Variants in ALDH1L2 observed in about 807,000 individuals in gnomAD.
ALDH1L2 encodes the protein aldehyde dehydrogenase 1 family member L2.
ALDH1L2 carries 91 observed loss-of-function variants against 111.0 expected under a neutral mutation model. That is an observed-to-expected ratio of 0.82 (90% confidence interval 0.69 to 0.98). The LOEUF is 0.98. Ranked by LOEUF, ALDH1L2 falls within the 50% of genes least tolerant of loss-of-function variation. The pLI is 0.00. For missense variants in ALDH1L2, 995 were observed against 1,126.8 expected (o/e 0.88, Z 1.67); for synonymous variants, 374 against 392.6 (o/e 0.95, Z 0.56).
intron 1 of ALDH1L2, among the ~76,000 whole-genome samples, chr12:105,079,764 T>C (rs1438204982): frequency 6.6e-6 from 1 of 152,126 alleles, no homozygotes; most frequent in Non-Finnish European, 1.5e-5. Context: ...AAGACTACAG[T>C]CCCTTTTGAC....
At chr12:105,043,146 C>T (rs1165358833) in intron 15 of ALDH1L2, among the ~76,000 whole-genome samples, 2 of 151,940 alleles carry the variant, frequency 1.3e-5, no homozygotes, top group Non-Finnish European at 2.9e-5. Flanking sequence ...CAGGCAGTGT[C>T]CCAGGAAAGA....
intron 10 of ALDH1L2, among the ~76,000 whole-genome samples, chr12:105,053,840 T>C: frequency 7.8e-6 from 1 of 128,056 alleles, no homozygotes; most frequent in Admixed American, 8.1e-5. Flanking sequence ...GAGGTAGATA[T>C]CATTATTATA....
At chr12:105,030,893 AGTTG>A (rs1874662086) in intron 20 of ALDH1L2, among the ~76,000 whole-genome samples, 1 of 152,140 alleles carries the variant, frequency 6.6e-6, no homozygotes, top group Non-Finnish European at 1.5e-5. Context: ...GCTTTTTCAC[AGTTG>A]GTTTGTTTGA....
In ALDH1L2 at chr12:105,066,735, A is replaced by C. The variant is rs1415893211; in HGVS notation, c.595-66T>G. On this transcript the variant is annotated intron_variant, in intron 4 of 22. Transcript: ENST00000258494. ...AACAATGGCATGGTCTATTTGACTA[A>C]AGTTTCTGCATAACAGAATTACTAC... is the stretch of plus-strand genomic sequence containing the variant. The C allele has an allele frequency of 3.7e-6, 5 of 1,346,814 alleles. No homozygotes were observed. The African/African-American group carries it at 4.3e-5, about 12-fold the overall frequency. The allele number at this position is 1,346,814 out of a possible 1,614,324, so 83.4% of individuals were successfully genotyped here. A position where few individuals can be genotyped will look rare whatever the true frequency, so the allele number is the denominator to read the frequency against.
chr12:105,034,636 T>A (rs570897095), intron 18 of ALDH1L2, among the ~76,000 whole-genome samples: 31 of 152,250 alleles, frequency 2.0e-4, no homozygotes, highest in South Asian at 4.1e-4. Flanking sequence ...AGCATTTTTT[T>A]AAAAAAATGT....
At chr12:105,069,377 G>A (rs1317930380) in intron 3 of ALDH1L2, among the ~76,000 whole-genome samples, 1 of 152,198 alleles carries the variant, frequency 6.6e-6, no homozygotes, top group Non-Finnish European at 1.5e-5. Context: ...TATGATGGTA[G>A]GTCAGCCATG....
intron 20 of ALDH1L2, 66 bp downstream of exon 20, chr12:105,031,703 A>G: frequency 6.4e-7 from 1 of 1,561,638 alleles, no homozygotes; most frequent in Non-Finnish European, 8.7e-7. Context: ...CTGGTCTTAA[A>G]CTGTCGCTGT....
chr12:105,060,827 GAAAAAAAAA>G (rs10674036), intron 9 of ALDH1L2, 145 bp downstream of exon 9: 3 of 140,086 alleles, frequency 2.1e-5, no homozygotes, highest in African/African-American at 5.2e-5. Context: ...TCCATCTCAG[GAAAAAAAAA>G]AAAAAAAAAA....
chr12:105,056,975 A>G (rs897923086), intron 10 of ALDH1L2, among the ~76,000 whole-genome samples: 2 of 151,484 alleles, frequency 1.3e-5, no homozygotes, highest in African/African-American at 4.8e-5. Context: ...TTTTCAGCAA[A>G]TCTACAGAAT....
Position 105,026,707 on chromosome 12 carries a change from CTG to C in ALDH1L2, c.2552_2553del (p.Thr851ArgfsTer21), listed in dbSNP as rs755377275. ...IDGVLQRANS[T>X]EYGLASGVFT... The stretch of plus-strand genomic sequence containing the variant: ...AAAACCCCTGAGGCCAAACCATACT[CTG>C]TACTATTTGCTCGCTGCAACACTCC... On this transcript the variant is annotated frameshift_variant, in exon 22 of 23. Transcript: ENST00000258494. LOFTEE classifies it high-confidence loss of function. The C allele has an allele frequency of 1.2e-6, 2 of 1,614,212 alleles. No homozygotes were observed. Among genetic ancestry groups the C allele is most frequent in the Non-Finnish European group, 8.5e-7 (1 of 1,180,028 alleles).
rs1324493256 is a variant in ALDH1L2 at position 105,084,386 on chromosome 12, C to T, written c.48+3G>A. 3 of 1,504,626 alleles carry T rather than the reference C, an allele frequency of 2.0e-6. No homozygotes were observed. The highest frequency in any genetic ancestry group is 2.9e-5 in the African/African-American group (2 of 69,814). The allele number at this position is 1,504,626 out of a possible 1,614,324, so 93.2% of individuals were successfully genotyped here. Reference sequence around the variant, plus strand: ...CCGGGACGCTCGCCCGGGCCGGACTCACCCGGCCAGTGGAGAAGCGCCGGA... The same window carrying T: ...CCGGGACGCTCGCCCGGGCCGGACTTACCCGGCCAGTGGAGAAGCGCCGGA... On this transcript the variant is annotated splice_donor_region_variant and intron_variant, in intron 1 of 22. Transcript: ENST00000258494.
At chr12:105,058,048 G>T in intron 10 of ALDH1L2, 25 bp downstream of exon 10, 3 of 1,605,580 alleles carry the variant, frequency 1.9e-6, no homozygotes, top group Non-Finnish European at 2.5e-6. Context: ...CTGATTTAGG[G>T]TTGCAACATC....
In ALDH1L2 at chr12:105,024,326, G is replaced by A. The variant is rs772492508; in HGVS notation, c.*98C>T. 5.5e-5 allele frequency: 79 copies of A among 1,441,444 alleles called. No individual in the cohort carries two copies. The highest frequency in any genetic ancestry group is 7.5e-5 in the Non-Finnish European group (78 of 1,033,620). 89.3% of individuals were successfully genotyped at this position (1,441,444 alleles called of 1,614,324 possible). A position where few individuals can be genotyped will look rare whatever the true frequency, so the allele number is the denominator to read the frequency against. ...GGTCCATCTGTGTATTTTTTGGTTT[G>A]TGGCTGACACCTCCTGCCTCAACAC... On this transcript the variant is annotated 3_prime_UTR_variant, in exon 23 of 23. Coordinates refer to ENST00000258494, the MANE Select transcript of ALDH1L2 (RefSeq NM_001034173.4).
At chr12:105,042,027 C>T (rs946908782) in intron 15 of ALDH1L2, among the ~76,000 whole-genome samples, 9 of 152,096 alleles carry the variant, frequency 5.9e-5, no homozygotes, top group African/African-American at 1.4e-4. Flanking sequence ...GAGGGGTCAT[C>T]GCTTCTAGGC....
At chr12:105,027,504 GGTT>G (rs1874473877) in intron 21 of ALDH1L2, among the ~76,000 whole-genome samples, 1 of 152,158 alleles carries the variant, frequency 6.6e-6, no homozygotes, top group Admixed American at 6.5e-5. Context: ...AGAGTAGGGT[GGTT>G]CTGTGAGAGG....
intron 15 of ALDH1L2, among the ~76,000 whole-genome samples, chr12:105,045,073 T>C (rs1043299606): frequency 6.6e-6 from 1 of 150,810 alleles, no homozygotes; most frequent in Admixed American, 6.6e-5. Context: ...TCTTACATGA[T>C]TGAAGTTTGT....
intron 22 of ALDH1L2, among the ~76,000 whole-genome samples, chr12:105,025,395 T>G (rs372566332): frequency 2.6e-5 from 4 of 152,278 alleles, no homozygotes; most frequent in East Asian, 3.9e-4. Flanking sequence ...ACTGTAGTAT[T>G]TTATAGTAAA....
intron 10 of ALDH1L2, among the ~76,000 whole-genome samples, chr12:105,054,883 T>C (rs761296782): frequency 3.9e-5 from 6 of 152,160 alleles, no homozygotes; most frequent in Non-Finnish European, 8.8e-5. Flanking sequence ...GACTCAGAGC[T>C]TGTTATGCAC....
chr12:105,070,588 C>T lies in ALDH1L2; in HGVS notation c.410G>A (p.Gly137Glu), dbSNP rs1488811118. 1 of 1,612,766 alleles carries T rather than the reference C, an allele frequency of 6.2e-7. No individual in the cohort carries two copies. The highest frequency in any genetic ancestry group is 1.1e-5 in the South Asian group (1 of 90,738). ...YHPSILPRHR[G>E]ASAINWTLIM... ...ATCTCACCAATTGATAGCAGAGGCT[C>T]CTCTGTGCCTGGGCAGGATGGATGG... is the stretch of plus-strand genomic sequence containing the variant. The change falls in exon 3 of 23, where the codon GGA (glycine) becomes GAA (glutamate). Residue 137 changes from glycine (G) to glutamate (E), a missense_variant. By Grantham distance (98) the Gly-to-Glu change is moderately conservative (BLOSUM62 -2). Coordinates refer to ENST00000258494, the MANE Select transcript of ALDH1L2 (RefSeq NM_001034173.4).
Sources: allele counts gnomAD v4.1 joint callset (sites outside exome capture counted in the v4.1 genomes callset), GRCh38; gene constraint gnomAD v4.1.1; transcripts MANE v1.5; gene names NCBI Gene and HGNC (gene_info 2026-07-23, HGNC 2026-07-21).